Variants in ELP4 observed in about 807,000 individuals in gnomAD.
The protein encoded by ELP4 is elongator complex protein 4.
Under a neutral mutation model 48.9 loss-of-function variants are expected in ELP4, and 51 were observed. That is an observed-to-expected ratio of 1.04 (90% CI 0.83 to 1.32). The LOEUF (loss-of-function observed/expected upper bound fraction) is 1.32, where lower values mean the gene tolerates loss of function less well. Ranked by LOEUF, ELP4 falls within the 40% of genes most tolerant of loss-of-function variation. The pLI, the probability that ELP4 is intolerant of heterozygous loss-of-function variation, is 0.00. For missense variants in ELP4, 519 were observed against 514.6 expected, an observed-to-expected ratio of 1.01 and a Z score of -0.08; for synonymous variants, 210 against 189.2, an observed-to-expected ratio of 1.11 and a Z score of -0.90.
chr11:31,585,807 A>G (rs910374416), intron 3 of ELP4, among the ~76,000 whole-genome samples: 1 of 152,220 alleles, frequency 6.6e-6, no homozygotes, highest in Non-Finnish European at 1.5e-5. Flanking sequence ...ACATTAAGTG[A>G]GAAGACCAGG....
At chr11:31,596,007 A>C (rs1277789522) in intron 4 of ELP4, among the ~76,000 whole-genome samples, 2 of 152,112 alleles carry the variant, frequency 1.3e-5, no homozygotes, top group Non-Finnish European at 2.9e-5. Context: ...CTTACTCACC[A>C]ATGCATCCTT....
At chr11:31,591,223 G>C (rs1399755274) in intron 3 of ELP4, among the ~76,000 whole-genome samples, 1 of 151,836 alleles carries the variant, frequency 6.6e-6, no homozygotes, top group Non-Finnish European at 1.5e-5. Flanking sequence ...TGGCTAACAT[G>C]GTGAAACCCT....
chr11:31,669,371 G>C (rs1288382664), intron 9 of ELP4, among the ~76,000 whole-genome samples: 1 of 152,128 alleles, frequency 6.6e-6, no homozygotes, highest in African/African-American at 2.4e-5. Context: ...ATGAGCCACC[G>C]CGCCTGGCCC....
intron 3 of ELP4, among the ~76,000 whole-genome samples, chr11:31,573,130 T>C (rs761719321): frequency 1.3e-5 from 2 of 152,210 alleles, no homozygotes; most frequent in African/African-American, 2.4e-5. Context: ...TTCAGTGAGT[T>C]TGAGTAAATG....
intron 9 of ELP4, among the ~76,000 whole-genome samples, chr11:31,678,731 G>C (rs1036240883): frequency 6.6e-6 from 1 of 152,074 alleles, no homozygotes; most frequent in Non-Finnish European, 1.5e-5. Flanking sequence ...TCCGTGTGCA[G>C]GTTTTTATGT....
chr11:31,687,268 T>G (rs1454688943), intron 9 of ELP4, among the ~76,000 whole-genome samples: 1 of 152,202 alleles, frequency 6.6e-6, no homozygotes, highest in Non-Finnish European at 1.5e-5. Context: ...TATTTGGGAA[T>G]CATTGTTATA....
intron 9 of ELP4, among the ~76,000 whole-genome samples, chr11:31,706,096 T>G (rs989464846): frequency 2.6e-5 from 4 of 152,112 alleles, no homozygotes; most frequent in African/African-American, 9.7e-5. Flanking sequence ...ACGTTGCATT[T>G]TTGTATGTTG....
rs565343239 is a variant in ELP4 at position 31,704,729 on chromosome 11, A to G, written c.1143+54508A>G. On this transcript the variant is annotated intron_variant, in intron 9 of 9. Transcript: ENST00000640961. ...CTTGTTTATGACTTAAAGATTATAT[A>G]GATCAGGCTTGGTGGCTCATGCCTG... Among the ~76,000 whole-genome samples, 7 of 152,272 alleles carry G rather than the reference A, an allele frequency of 4.6e-5. No homozygotes were observed. The South Asian group carries it at 1.5e-3, about 32-fold the overall frequency.
intron 9 of ELP4, among the ~76,000 whole-genome samples, chr11:31,713,853 G>A (rs908731939): frequency 6.6e-6 from 1 of 152,086 alleles, no homozygotes; most frequent in Non-Finnish European, 1.5e-5. Context: ...TCAAGGGGAG[G>A]TAACAGGGAA....
chr11:31,631,868 TTTGCAAGCATTC>T (rs1423004727), intron 6 of ELP4, among the ~76,000 whole-genome samples: 5 of 151,994 alleles, frequency 3.3e-5, no homozygotes, highest in Non-Finnish European at 7.4e-5. Context: ...TGAGAAGGGG[TTTGCAAGCATTC>T]TAGTTTAGAT....
chr11:31,544,364 G>A (rs1017487375), intron 3 of ELP4, among the ~76,000 whole-genome samples: 5 of 152,290 alleles, frequency 3.3e-5, no homozygotes, highest in South Asian at 2.1e-4. Flanking sequence ...CACCTGGCTC[G>A]GAGGGTCCTA....
rs1181000064 is a variant in ELP4 at position 31,512,729 on chromosome 11, G to A, written c.223+2722G>A. On this transcript the variant is annotated intron_variant, in intron 1 of 9. Coordinates refer to ENST00000640961, the MANE Select transcript of ELP4 (RefSeq NM_019040.5). ...GAAGAGGTACTCCATTTCTCTTCCA[G>A]GGGTTTCCAAAGAAAGATTATAGCA... is the stretch of plus-strand genomic sequence containing the variant. 7.2e-5 allele frequency: 11 copies of A among 152,274 alleles called. No individual in the cohort carries two copies. In the East Asian group the frequency reaches 2.1e-3, roughly 29 times the overall value. 9.4% of individuals were successfully genotyped at this position (152,274 alleles called of 1,614,324 possible).
chr11:31,571,590 C>T (rs1251155455), intron 3 of ELP4, among the ~76,000 whole-genome samples: 1 of 152,176 alleles, frequency 6.6e-6, no homozygotes, highest in African/African-American at 2.4e-5. Flanking sequence ...TTACTTTGCC[C>T]ATATCCATCA....
At chr11:31,545,675 G>A (rs529013257) in intron 3 of ELP4, among the ~76,000 whole-genome samples, 27 of 152,170 alleles carry the variant, frequency 1.8e-4, no homozygotes, top group Admixed American at 1.1e-3. Flanking sequence ...TGCAAGACAC[G>A]TAATTGTCAG....
chr11:31,586,017 C>G (rs1957466211), intron 3 of ELP4, among the ~76,000 whole-genome samples: 1 of 151,892 alleles, frequency 6.6e-6, no homozygotes, highest in Non-Finnish European at 1.5e-5. Context: ...CCCAGGAGTT[C>G]AAGGAAAAAG....
intron 3 of ELP4, among the ~76,000 whole-genome samples, chr11:31,549,472 A>C (rs563375540): frequency 1.3e-5 from 2 of 152,108 alleles, no homozygotes; most frequent in East Asian, 1.9e-4. Flanking sequence ...GCAATCATTA[A>C]AAAGTCAGGA....
At chr11:31,583,173 A>G (rs1243107367) in intron 3 of ELP4, among the ~76,000 whole-genome samples, 3 of 152,094 alleles carry the variant, frequency 2.0e-5, no homozygotes, top group African/African-American at 7.2e-5. Context: ...TTTTCACACA[A>G]CTGTTGTTCT....
chr11:31,666,963 G>T (rs1310991708), intron 9 of ELP4, among the ~76,000 whole-genome samples: 2 of 152,172 alleles, frequency 1.3e-5, no homozygotes, highest in African/African-American at 2.4e-5. Context: ...GTATGTGGAG[G>T]ATTTAATAGT....
intron 7 of ELP4, among the ~76,000 whole-genome samples, chr11:31,635,416 A>G (rs951312967): frequency 1.3e-5 from 2 of 151,946 alleles, no homozygotes; most frequent in Admixed American, 1.3e-4. Context: ...TCACACAGCT[A>G]ATGAGTGGCA....
Sources: allele counts gnomAD v4.1 joint callset (sites outside exome capture counted in the v4.1 genomes callset), GRCh38; gene constraint gnomAD v4.1.1; transcripts MANE v1.5; gene names NCBI Gene and HGNC (gene_info 2026-07-23, HGNC 2026-07-21).